The following ZNF236 variants were observed in gnomAD, a reference collection of about 807,000 sequenced individuals.
ZNF236 encodes zinc finger protein 236, also known as regulated by glucose.
In ZNF236, 50 loss-of-function variants were observed where a neutral mutation model predicts 191.2. That is an observed-to-expected ratio of 0.26 (90% CI 0.21 to 0.33). The LOEUF is 0.33. Ranked by LOEUF, ZNF236 falls within the 10% of genes least tolerant of loss-of-function variation. The probability of loss-of-function intolerance (pLI) is 1.00; values close to 1 mark genes in which losing one functional copy is unlikely to be tolerated. For missense variants in ZNF236, 1,754 were observed against 2,374.5 expected (o/e 0.74, Z 5.43); for synonymous variants, 907 against 928.8 (o/e 0.98, Z 0.43).
Position 76,929,433 on chromosome 18 carries a change from G to A in ZNF236, c.4594+1327G>A, listed in dbSNP as rs918109284. Among the ~76,000 whole-genome samples the A allele has an allele frequency of 5.9e-5, 9 of 152,070 alleles. 1 individual carries two copies. The highest frequency in any genetic ancestry group is 4.1e-4 in the South Asian group (2 of 4,824). On this transcript the variant is annotated intron_variant, in intron 25 of 30. Coordinates refer to ENST00000320610, the MANE Select transcript of ZNF236 (RefSeq NM_001306089.2). ...TTTGGTTGATCCAATTAACTTTCTCGAGTACACTTAATATAAGAAGTATTG... is the reference window on the plus strand; with the variant it reads ...TTTGGTTGATCCAATTAACTTTCTCAAGTACACTTAATATAAGAAGTATTG...
At chr18:76,906,121 A>G (rs1977733642) in intron 13 of ZNF236, among the ~76,000 whole-genome samples, 1 of 152,198 alleles carries the variant, frequency 6.6e-6, no homozygotes, top group Non-Finnish European at 1.5e-5. Context: ...TTTAACCCAG[A>G]TATGTCTGCC....
At chr18:76,838,455 C>CA (rs1479213798) in intron 1 of ZNF236, among the ~76,000 whole-genome samples, 1 of 152,160 alleles carries the variant, frequency 6.6e-6, no homozygotes. Flanking sequence ...TCAGGGATTG[C>CA]AGTCGTGATG....
At chr18:76,922,987 C>T in intron 20 of ZNF236, 84 bp from the exon 21 acceptor site, 1 of 1,027,462 alleles carries the variant, frequency 9.7e-7, no homozygotes, top group Non-Finnish European at 1.5e-6. Flanking sequence ...AACGTAGTAA[C>T]ACCTAATTTT....
At chr18:76,937,483 A>C (rs916992794) in intron 26 of ZNF236, 140 bp downstream of exon 26, 2 of 773,160 alleles carry the variant, frequency 2.6e-6, no homozygotes, top group African/African-American at 3.5e-5. Context: ...TGATTAAAAA[A>C]TACGGTAAAT....
chr18:76,851,775 C>A lies in ZNF236; in HGVS notation c.199C>A (p.Pro67Thr). 1 of 1,606,262 alleles carries A rather than the reference C, an allele frequency of 6.2e-7. No homozygotes were observed. Among genetic ancestry groups the A allele is most frequent in the African/African-American group, 1.3e-5 (1 of 74,776 alleles). ...HMRDHERNDK[P>T]HRCDQCPQTF... ...CTTCTTCACTTTTCTCTCCAAATAGCCACATCGATGTGACCAGTGCCCCCA... is the reference window on the plus strand; with the variant it reads ...CTTCTTCACTTTTCTCTCCAAATAGACACATCGATGTGACCAGTGCCCCCA... Residue 67 changes from proline to threonine, a missense_variant and splice_region_variant, in exon 3 of 31, where the codon CCA (proline) becomes ACA (threonine). Coordinates refer to ENST00000320610, the MANE Select transcript of ZNF236 (RefSeq NM_001306089.2).
At chr18:76,907,739 T>C (rs1462269246) in intron 13 of ZNF236, among the ~76,000 whole-genome samples, 1 of 152,136 alleles carries the variant, frequency 6.6e-6, no homozygotes, top group Non-Finnish European at 1.5e-5. Flanking sequence ...CTGAATTCAT[T>C]GTTCATCTTT....
At chr18:76,898,900 A>G (rs1328169572) in intron 10 of ZNF236, 119 bp from the exon 11 acceptor site, 9 of 829,532 alleles carry the variant, frequency 1.1e-5, no homozygotes, top group Middle Eastern at 3.3e-4. Flanking sequence ...AATTATAAGC[A>G]TGGCCTAATA....
At chr18:76,857,792 T>C (rs1299428489) in intron 3 of ZNF236, among the ~76,000 whole-genome samples, 1 of 152,208 alleles carries the variant, frequency 6.6e-6, no homozygotes, top group Admixed American at 6.5e-5. Context: ...TTCTGGCTTA[T>C]CATAATGTGA....
intron 9 of ZNF236, among the ~76,000 whole-genome samples, chr18:76,882,841 C>T (rs932922624): frequency 6.6e-6 from 1 of 152,190 alleles, no homozygotes; most frequent in Non-Finnish European, 1.5e-5. Context: ...CCGTATATTT[C>T]GATTAGCTGT....
chr18:76,909,334 A>AG (rs1411112773), intron 14 of ZNF236, among the ~76,000 whole-genome samples: 1 of 151,678 alleles, frequency 6.6e-6, no homozygotes. Context: ...AAAAAAAAAA[A>AG]AAAATTATAC....
Position 76,919,765 on chromosome 18 carries a change from A to G in ZNF236, c.3275-11A>G. On this transcript the variant is annotated splice_polypyrimidine_tract_variant and intron_variant, in intron 19 of 30. Transcript: ENST00000320610. This position sits in a 1 kb window ranked among gnomAD's most constrained non-coding sequence, Gnocchi z 5.3. ...TTACGATTTTGATCCCTTTTCCTTG[A>G]TTTTGTGTAGACATTTGTATGGAGG... is the stretch of plus-strand genomic sequence containing the variant. 1 of 1,607,694 alleles carries G rather than the reference A, an allele frequency of 6.2e-7. No homozygotes were observed. Among genetic ancestry groups the G allele is most frequent in the Non-Finnish European group, 8.5e-7 (1 of 1,174,586 alleles).
At chr18:76,838,167 G>GAA (rs1975389019) in intron 1 of ZNF236, among the ~76,000 whole-genome samples, 1 of 152,188 alleles carries the variant, frequency 6.6e-6, no homozygotes, top group Non-Finnish European at 1.5e-5. Context: ...CATATGGAGT[G>GAA]AAGTACATTG....
chr18:76,834,961 C>A, intron 1 of ZNF236: 1 of 167,444 alleles, frequency 6.0e-6, no homozygotes, highest in Admixed American at 6.5e-5. Context: ...CGGTTCTGTA[C>A]CTACATTTTA....
intron 17 of ZNF236, among the ~76,000 whole-genome samples, chr18:76,913,480 A>C (rs1967272020): frequency 6.6e-6 from 1 of 152,186 alleles, no homozygotes; most frequent in Admixed American, 6.5e-5. Flanking sequence ...TCTGCTGGGG[A>C]GTTATAGGAT....
In ZNF236 at chr18:76,951,822, T is replaced by TG. The variant is rs566522372; in HGVS notation, c.4915-4162dup. On this transcript the variant is annotated intron_variant, in intron 27 of 30. Coordinates refer to ENST00000320610, the MANE Select transcript of ZNF236 (RefSeq NM_001306089.2). ...TCTAGGTTTTGAAGTGAGGGATGTG[T>TG]GACTCTTCGTTTCACTTGAACACTT... Among the ~76,000 whole-genome samples the TG allele has an allele frequency of 1.7e-4, 26 of 152,348 alleles. 2 individuals carry two copies. The South Asian group carries it at 5.4e-3, about 32-fold the overall frequency.
chr18:76,876,155 A>G (rs940829842), intron 6 of ZNF236, among the ~76,000 whole-genome samples: 1 of 152,254 alleles, frequency 6.6e-6, no homozygotes, highest in African/African-American at 2.4e-5. Context: ...TTCGACTAAA[A>G]TGATGATTTC....
intron 11 of ZNF236, among the ~76,000 whole-genome samples, chr18:76,901,787 T>C (rs1012497577): frequency 6.6e-6 from 1 of 152,106 alleles, no homozygotes; most frequent in Non-Finnish European, 1.5e-5. Flanking sequence ...TAATTTAATA[T>C]ACGAATTGTA....
chr18:76,885,546 C>A, intron 9 of ZNF236: 1 of 169,542 alleles, frequency 5.9e-6, no homozygotes, highest in Non-Finnish European at 1.3e-5. Flanking sequence ...AGAAGGGAGG[C>A]AAAGTAACTC....
intron 9 of ZNF236, among the ~76,000 whole-genome samples, chr18:76,882,337 A>G (rs899111404): frequency 2.6e-5 from 4 of 152,136 alleles, no homozygotes; most frequent in African/African-American, 7.2e-5. Flanking sequence ...CACAGCACTT[A>G]GAGTGTTTAG....
Sources: allele counts gnomAD v4.1 joint callset (sites outside exome capture counted in the v4.1 genomes callset), GRCh38; gene constraint gnomAD v4.1.1; non-coding constraint Gnocchi (gnomAD v3.1); transcripts MANE v1.5; gene names NCBI Gene and HGNC (gene_info 2026-07-23, HGNC 2026-07-21).